The following NFASC variants were observed in gnomAD, a reference collection of about 807,000 sequenced individuals.
NFASC encodes neurofascin, also known as neurofascin homolog.
NFASC carries 43 observed loss-of-function variants against 147.5 expected under a neutral mutation model. The ratio of observed to expected loss-of-function variants is 0.29; its 90% CI spans 0.23 to 0.38. The LOEUF is 0.38. Among genes scored for constraint, NFASC ranks in the 10% least tolerant of loss-of-function variants. The pLI is 1.00. For synonymous variants in NFASC, 622 were observed against 665.5 expected (o/e 0.93, Z 1.01); for missense variants, 1,320 against 1,689.0 (o/e 0.78, Z 3.83).
At chr1:204,994,110 G>A (rs985488620) in intron 24 of NFASC, among the ~76,000 whole-genome samples, 2 of 152,190 alleles carry the variant, frequency 1.3e-5, no homozygotes, top group African/African-American at 4.8e-5. Context: ...TTAGCCAGCT[G>A]AGGTTGTATC....
chr1:204,976,554 C>T, intron 15 of NFASC, 117 bp from the exon 16 acceptor site: 1 of 720,304 alleles, frequency 1.4e-6, no homozygotes, highest in Non-Finnish European at 2.4e-6. Context: ...CCTCATACCC[C>T]CAGAAGGAGC....
At chr1:204,857,823 G>T (rs1435945161) in intron 1 of NFASC, among the ~76,000 whole-genome samples, 1 of 152,008 alleles carries the variant, frequency 6.6e-6, no homozygotes, top group Non-Finnish European at 1.5e-5. Context: ...TTCTTTTGCA[G>T]GGTCCTCTAC....
chr1:205,011,199 C>A (rs1282904005), intron 28 of NFASC, among the ~76,000 whole-genome samples: 1 of 108,358 alleles, frequency 9.2e-6, no homozygotes, highest in Non-Finnish European at 2.1e-5. Context: ...AACAGGTCCT[C>A]CCCCAGGACC....
intron 24 of NFASC, among the ~76,000 whole-genome samples, chr1:204,992,251 C>A (rs1388339297): frequency 1.3e-5 from 2 of 152,180 alleles, no homozygotes; most frequent in Non-Finnish European, 2.9e-5. Flanking sequence ...CAAGCAAGTG[C>A]TCAGCAGAGC....
rs1284627458 is a variant in NFASC, at chr1:204,954,874, A to C, written c.458A>C (p.Gln153Pro). The stretch of plus-strand genomic sequence containing the variant: ...GAAAACCTAGACCCTGTCGTGGTCC[A>C]AGAGGGCGCTCCTTTGACGCTCCAG... ...PKENLDPVVV[Q>P]EGAPLTLQCN... Residue 153 changes from glutamine (Q) to proline (P), a missense_variant, in exon 7 of 30, where the codon CAA (glutamine) becomes CCA (proline). Gln to Pro is a moderately conservative substitution (Grantham distance 76). Transcript: ENST00000339876. The surrounding 1 kb of genome is among the most constrained non-coding windows in gnomAD (Gnocchi z 5.7). The C allele has an allele frequency of 1.2e-5, 20 of 1,614,138 alleles. No homozygotes were observed. Among genetic ancestry groups the C allele is most frequent in the African/African-American group, 2.7e-5 (2 of 75,030 alleles).
chr1:204,981,731 G>A (rs2095513128), intron 20 of NFASC, 67 bp from the exon 21 acceptor site: 1 of 1,041,510 alleles, frequency 9.6e-7, no homozygotes. Flanking sequence ...AGCAAGAGAG[G>A]GCAAGCTGTG....
At position 204,977,580 on chromosome 1, in the gene NFASC, A is replaced by G. The variant is rs564264579; in HGVS notation, c.1832-101A>G. On this transcript the variant is annotated intron_variant, in intron 16 of 29. Coordinates refer to ENST00000339876, the MANE Select transcript of NFASC (RefSeq NM_001005388.3). The stretch of plus-strand genomic sequence containing the variant: ...AGCCCTGCCTAGAACACCTCAGCCC[A>G]GAGGCAGCTGTTTAAGCCTCGGCTG... The G allele has an allele frequency of 5.6e-4, 592 of 1,063,948 alleles. 2 individuals are homozygous for G. Among genetic ancestry groups the G allele is most frequent in the Non-Finnish European group, 8.0e-4 (567 of 709,886 alleles). The allele number at this position is 1,063,948 out of a possible 1,614,324, so 65.9% of individuals were successfully genotyped here.
At chr1:204,877,018 A>ATT (rs1275206800) in intron 1 of NFASC, among the ~76,000 whole-genome samples, 1 of 109,362 alleles carries the variant, frequency 9.1e-6, no homozygotes, top group Admixed American at 1.2e-4. Flanking sequence ...ATATATATAT[A>ATT]TATATATATA....
intron 1 of NFASC, among the ~76,000 whole-genome samples, chr1:204,884,031 T>A (rs1320401502): frequency 6.6e-6 from 1 of 152,158 alleles, no homozygotes; most frequent in East Asian, 1.9e-4. Flanking sequence ...TTCCCTCCCC[T>A]GCGTCTCACA....
At chr1:205,012,625 CTGAT>C in intron 28 of NFASC, 168 bp from the exon 29 acceptor site, 1 of 630,990 alleles carries the variant, frequency 1.6e-6, no homozygotes, top group Non-Finnish European at 2.9e-6. Flanking sequence ...AACTTGGCAA[CTGAT>C]TGAGTACAGG....
At chr1:204,982,215 G>A (rs2150477038) in intron 21 of NFASC, among the ~76,000 whole-genome samples, 195 bp downstream of exon 21, 1 of 152,304 alleles carries the variant, frequency 6.6e-6, no homozygotes, top group East Asian at 1.9e-4. Context: ...GAACGTAGTT[G>A]GAATTACTGA....
rs77906332 is a variant in NFASC at position 204,918,258 on chromosome 1, A to G, written c.-199-2374A>G. Among the ~76,000 whole-genome samples the G allele has an allele frequency of 3.1e-3, 467 of 152,332 alleles. 1 individual carries two copies. The highest frequency in any genetic ancestry group is 0.011 in the African/African-American group (448 of 41,574). Reference sequence around the variant, plus strand: ...TTCTTTTTATCTTTGTGGTACATCTATCTAAGGCTAGCTTGTCCAGCCCAC... The same window carrying G: ...TTCTTTTTATCTTTGTGGTACATCTGTCTAAGGCTAGCTTGTCCAGCCCAC... On this transcript the variant is annotated intron_variant, in intron 1 of 29. Transcript: ENST00000339876.
intron 1 of NFASC, among the ~76,000 whole-genome samples, chr1:204,840,694 G>C (rs1675089782): frequency 6.6e-6 from 1 of 152,188 alleles, no homozygotes; most frequent in African/African-American, 2.4e-5. Context: ...ATCAAAGAAT[G>C]CAGCTGGCTT....
chr1:204,879,577 T>G (rs995599181), intron 1 of NFASC, among the ~76,000 whole-genome samples: 6 of 152,204 alleles, frequency 3.9e-5, no homozygotes, highest in African/African-American at 1.4e-4. Context: ...TGTAAAAATC[T>G]CACCAGATGT....
chr1:204,853,771 G>A (rs2075900488), intron 1 of NFASC, among the ~76,000 whole-genome samples: 1 of 152,190 alleles, frequency 6.6e-6, no homozygotes, highest in South Asian at 2.1e-4. Flanking sequence ...CCATGGTGAA[G>A]GTGTGAATGA....
intron 1 of NFASC, among the ~76,000 whole-genome samples, chr1:204,867,409 CCACACACACACA>C (rs34586429): frequency 4.8e-5 from 7 of 146,916 alleles, no homozygotes; most frequent in South Asian, 2.3e-4. Flanking sequence ...TCAGAACTCA[CCACACACACACA>C]CACACACACA....
chr1:204,904,475 T>C (rs985737234), intron 1 of NFASC, among the ~76,000 whole-genome samples: 1 of 152,216 alleles, frequency 6.6e-6, no homozygotes, highest in Non-Finnish European at 1.5e-5. Context: ...TTAAAAGGGA[T>C]GGTTACTCTA....
At chr1:204,843,946 C>T (rs779134355) in intron 1 of NFASC, among the ~76,000 whole-genome samples, 16 of 152,050 alleles carry the variant, frequency 1.1e-4, no homozygotes, top group Non-Finnish European at 1.8e-4. Flanking sequence ...CCACGTTGGT[C>T]GGGCTGGTCT....
At chr1:205,009,942 T>A in intron 28 of NFASC, 1 of 536,610 alleles carries the variant, frequency 1.9e-6, no homozygotes, top group Non-Finnish European at 3.3e-6. Context: ...CCCTGGCTCC[T>A]ATTAAGAATG....
Sources: allele counts gnomAD v4.1 joint callset (sites outside exome capture counted in the v4.1 genomes callset), GRCh38; gene constraint gnomAD v4.1.1; non-coding constraint Gnocchi (gnomAD v3.1); transcripts MANE v1.5; gene names NCBI Gene and HGNC (gene_info 2026-07-23, HGNC 2026-07-21).